Variants in TNS3 observed in about 807,000 individuals in gnomAD.
TNS3 encodes the protein tensin-3.
In TNS3, 45 loss-of-function variants were observed where a neutral mutation model predicts 140.9. The ratio of observed to expected loss-of-function variants is 0.32; its 90% confidence interval spans 0.25 to 0.41. TNS3 has a LOEUF of 0.41. Among genes scored for constraint, TNS3 ranks in the 10% least tolerant of loss-of-function variants. TNS3 has a pLI of 1.00. For missense variants in TNS3, 1,716 were observed against 1,906.7 expected (o/e 0.90, Z 1.86); for synonymous variants, 815 against 788.4 (o/e 1.03, Z -0.56).
chr7:47,280,249 G>A (rs755407874), intron 29 of TNS3, 37 bp downstream of exon 29: 3 of 1,613,928 alleles, frequency 1.9e-6, no homozygotes, highest in Middle Eastern at 1.6e-4. Flanking sequence ...ATAGAATTAA[G>A]TACACTCCTT....
intron 23 of TNS3, among the ~76,000 whole-genome samples, chr7:47,299,712 A>C (rs1215577443): frequency 6.6e-6 from 1 of 152,200 alleles, no homozygotes; most frequent in Non-Finnish European, 1.5e-5. Context: ...CTGCACAGGC[A>C]ATGGGAGTAA....
At chr7:47,370,912 G>A (rs1166761178) in intron 16 of TNS3, among the ~76,000 whole-genome samples, 2 of 152,220 alleles carry the variant, frequency 1.3e-5, no homozygotes, top group Non-Finnish European at 2.9e-5. Flanking sequence ...GCACCACCAT[G>A]GTCAGCAGCT....
At chr7:47,569,088 A>G (rs1157030503) in intron 1 of TNS3, among the ~76,000 whole-genome samples, 1 of 152,206 alleles carries the variant, frequency 6.6e-6, no homozygotes, top group Non-Finnish European at 1.5e-5. Context: ...CATCTCTCCA[A>G]AATTTGGCTA....
chr7:47,539,672 T>A (rs1440904342), intron 1 of TNS3: 1 of 160,506 alleles, frequency 6.2e-6, no homozygotes, highest in African/African-American at 2.4e-5. Context: ...CCCAGACTGG[T>A]TAATCATCCT....
At chr7:47,582,427 C>G (rs1375280236), upstream of TNS3, 6 of 456,492 alleles carry the variant, frequency 1.3e-5, no homozygotes, top group African/African-American at 4.0e-5. Flanking sequence ...GTTAGAGTAC[C>G]TGGGGAGGCG....
At chr7:47,318,296 C>A (rs1221611215) in intron 20 of TNS3, among the ~76,000 whole-genome samples, 1 of 152,234 alleles carries the variant, frequency 6.6e-6, no homozygotes, top group South Asian at 2.1e-4. Context: ...TATTCCACTG[C>A]ATGCATAGAT....
chr7:47,556,397 C>T (rs1800196803), intron 1 of TNS3, among the ~76,000 whole-genome samples: 1 of 152,144 alleles, frequency 6.6e-6, no homozygotes, highest in African/African-American at 2.4e-5. Context: ...GGGGTCTCTC[C>T]AGGCCATCTG....
At chr7:47,296,076 A>G (rs1786001854) in intron 24 of TNS3, among the ~76,000 whole-genome samples, 1 of 152,184 alleles carries the variant, frequency 6.6e-6, no homozygotes, top group Admixed American at 6.5e-5. Flanking sequence ...GGGGAGACAG[A>G]CAGAGTGAAA....
chr7:47,551,011 T>G (rs1184626807), intron 1 of TNS3, among the ~76,000 whole-genome samples: 1 of 152,160 alleles, frequency 6.6e-6, no homozygotes, highest in Non-Finnish European at 1.5e-5. Flanking sequence ...CCAAGGAACA[T>G]GAGCTCACTC....
intron 20 of TNS3, among the ~76,000 whole-genome samples, chr7:47,311,420 G>C (rs945523641): frequency 5.9e-5 from 9 of 151,820 alleles, no homozygotes; most frequent in African/African-American, 2.2e-4. Context: ...GTGTGTGTGT[G>C]TGTGTGTGTG....
At chr7:47,552,810 C>T (rs1006962865) in intron 1 of TNS3, among the ~76,000 whole-genome samples, 5 of 152,170 alleles carry the variant, frequency 3.3e-5, no homozygotes, top group African/African-American at 1.2e-4. Flanking sequence ...AGAAATGAGT[C>T]AGCTTAGTGG....
chr7:47,496,967 G>A lies in TNS3; in HGVS notation c.-115+9940C>T, dbSNP rs548147702. 7.2e-5 allele frequency among the ~76,000 whole-genome samples: 11 copies of A among 152,266 alleles called. No individual in the cohort carries two copies. The South Asian group carries it at 1.9e-3, about 26-fold the overall frequency. ...AGCTGGCCAGAACCAAGGCAGCATCGAGCAAGAGGCACTTGGATTCCAGTG... is the reference window on the plus strand; with the variant it reads ...AGCTGGCCAGAACCAAGGCAGCATCAAGCAAGAGGCACTTGGATTCCAGTG... On this transcript the variant is annotated intron_variant, in intron 3 of 30. Transcript: ENST00000311160.
intron 1 of TNS3, among the ~76,000 whole-genome samples, chr7:47,565,177 A>C (rs1419923498): frequency 2.6e-5 from 4 of 151,206 alleles, no homozygotes; most frequent in Non-Finnish European, 5.9e-5. Flanking sequence ...TCCTGGGTTC[A>C]CACCATTCTC....
chr7:47,443,747 C>T (rs971002827), intron 4 of TNS3, among the ~76,000 whole-genome samples: 8 of 152,070 alleles, frequency 5.3e-5, no homozygotes, highest in Admixed American at 3.3e-4. Context: ...CATGGTGAAA[C>T]CACGTCTCTA....
chr7:47,394,758 T>C (rs1363668492), intron 16 of TNS3, among the ~76,000 whole-genome samples: 1 of 152,262 alleles, frequency 6.6e-6, no homozygotes, highest in East Asian at 1.9e-4. Flanking sequence ...ATTTTCTGTC[T>C]ATATGTTTTC....
chr7:47,368,771 G>A lies in TNS3; in HGVS notation c.1875C>T (p.Ala625=). 1.3e-6 allele frequency: 2 copies of A among 1,596,062 alleles called. No homozygotes were observed. The highest frequency in any genetic ancestry group is 1.7e-6 in the Non-Finnish European group (2 of 1,171,876). The change falls in exon 17 of 31, where the codon GCC becomes GCT. Residue 625 remains alanine (A), a synonymous_variant. Coordinates refer to ENST00000311160, the MANE Select transcript of TNS3 (RefSeq NM_022748.12). ...CPADNPGLVQ[A]QPRVPLTPTR... ...TGGGGGTGAGTGGCACTCTGGGCTG[G>A]GCCTGGACGAGGCCAGGATTGTCTG...
intron 1 of TNS3, among the ~76,000 whole-genome samples, chr7:47,570,027 A>G (rs1203648844): frequency 4.7e-5 from 7 of 147,812 alleles, no homozygotes; most frequent in Non-Finnish European, 7.5e-5. Flanking sequence ...GCAGGCGCCT[A>G]TAATCCCAAC....
At chr7:47,288,120 C>T (rs1047942223) in intron 27 of TNS3, among the ~76,000 whole-genome samples, 4 of 152,272 alleles carry the variant, frequency 2.6e-5, no homozygotes, top group South Asian at 2.1e-4. Context: ...AGTGAAATTG[C>T]GTGTGCCCTG....
chr7:47,328,840 T>C (rs1788176371), intron 20 of TNS3, among the ~76,000 whole-genome samples: 1 of 152,212 alleles, frequency 6.6e-6, no homozygotes, highest in South Asian at 2.1e-4. Context: ...GCCCAAACCC[T>C]GTCCTAGAGC....
Sources: gnomAD v4.1 joint callset for allele counts (sites outside exome capture counted in the v4.1 genomes callset) on GRCh38, gnomAD v4.1.1 for gene constraint, MANE v1.5 for transcripts, NCBI Gene and HGNC (gene_info 2026-07-23, HGNC 2026-07-21) for gene names.